The following TMEM117 variants were observed in gnomAD, a reference collection of about 807,000 sequenced individuals.
TMEM117 encodes the protein transmembrane protein 117.
TMEM117 carries 27 observed loss-of-function variants against 52.4 expected under a neutral mutation model. That is an observed-to-expected ratio of 0.51 (90% CI 0.38 to 0.71). TMEM117 has a LOEUF of 0.71. Among genes scored for constraint, TMEM117 ranks in the 30% least tolerant of loss-of-function variants. TMEM117 has a pLI of 0.00. For missense variants in TMEM117, 556 were observed against 630.5 expected (o/e 0.88, Z 1.26); for synonymous variants, 215 against 206.3 (o/e 1.04, Z -0.36).
At chr12:44,004,027 A>G (rs755026124) in intron 3 of TMEM117, among the ~76,000 whole-genome samples, 9 of 152,218 alleles carry the variant, frequency 5.9e-5, no homozygotes, top group Non-Finnish European at 1.3e-4. Context: ...TTGTACTCAA[A>G]TAATGGTGGA....
At chr12:44,225,393 T>C (rs1261778542) in intron 5 of TMEM117, among the ~76,000 whole-genome samples, 3 of 152,120 alleles carry the variant, frequency 2.0e-5, no homozygotes, top group Non-Finnish European at 2.9e-5. Flanking sequence ...ATTGCAAAAA[T>C]AGTGCAGTGA....
chr12:44,201,758 A>G (rs1440880360), intron 4 of TMEM117, among the ~76,000 whole-genome samples: 1 of 152,158 alleles, frequency 6.6e-6, no homozygotes, highest in Non-Finnish European at 1.5e-5. Context: ...AAAATAAGCA[A>G]TTTGGTTGTA....
At chr12:44,181,842 T>G (rs1245537435) in intron 4 of TMEM117, among the ~76,000 whole-genome samples, 2 of 151,544 alleles carry the variant, frequency 1.3e-5, no homozygotes, top group Non-Finnish European at 2.9e-5. Flanking sequence ...TGCGGGCTCT[T>G]TTTTGGTTCC....
chr12:44,115,416 C>T (rs867319467), intron 3 of TMEM117, among the ~76,000 whole-genome samples: 3 of 152,122 alleles, frequency 2.0e-5, no homozygotes, highest in Non-Finnish European at 4.4e-5. Flanking sequence ...ATGTACCAAA[C>T]CTGCACGTTA....
chr12:44,354,861 A>G lies in TMEM117; in HGVS notation c.769-21734A>G, dbSNP rs557139208. Among the ~76,000 whole-genome samples the G allele has an allele frequency of 6.8e-4, 103 of 152,144 alleles. 1 individual carries two copies. Among genetic ancestry groups the G allele is most frequent in the Non-Finnish European group, 1.1e-3 (72 of 67,986 alleles). ...CAAAGTGCTTTTAATTCGGAAAACA[A>G]TTTTTAGTAGTGTTAAACTATAAAG... On this transcript the variant is annotated intron_variant, in intron 6 of 7. Transcript: ENST00000266534.
At chr12:43,893,249 A>C (rs1479714140) in intron 2 of TMEM117, among the ~76,000 whole-genome samples, 1 of 152,242 alleles carries the variant, frequency 6.6e-6, no homozygotes, top group Non-Finnish European at 1.5e-5. Flanking sequence ...TGCTGTGTCA[A>C]AAACGAACTG....
intron 5 of TMEM117, among the ~76,000 whole-genome samples, chr12:44,288,204 G>A (rs1950660530): frequency 6.6e-6 from 1 of 152,176 alleles, no homozygotes; most frequent in Admixed American, 6.5e-5. Flanking sequence ...AAGACGCTGA[G>A]CATAATTTTG....
chr12:44,199,159 G>C (rs1033241333), intron 4 of TMEM117, among the ~76,000 whole-genome samples: 1 of 121,464 alleles, frequency 8.2e-6, no homozygotes, highest in African/African-American at 3.7e-5. Flanking sequence ...CTTTCTTCTT[G>C]GCCTGTGTAT....
chr12:43,914,391 G>A (rs7295151), intron 2 of TMEM117, among the ~76,000 whole-genome samples: 109,015 of 152,040 alleles, frequency 0.72, 42,193 homozygotes, highest in East Asian at 0.87. Flanking sequence ...ATCACATTTT[G>A]TTCTTCTTTA....
chr12:44,027,983 A>G (rs1946571299), intron 3 of TMEM117, among the ~76,000 whole-genome samples: 1 of 152,184 alleles, frequency 6.6e-6, no homozygotes, highest in South Asian at 2.1e-4. Flanking sequence ...AGGTGAGCGG[A>G]TCACGAGGTC....
At chr12:44,276,919 T>G (rs890933669) in intron 5 of TMEM117, among the ~76,000 whole-genome samples, 2 of 151,708 alleles carry the variant, frequency 1.3e-5, no homozygotes, top group African/African-American at 4.8e-5. Context: ...TGTGTGTGTG[T>G]GTGTGTGTGT....
intron 4 of TMEM117, among the ~76,000 whole-genome samples, chr12:44,190,872 G>C (rs1949342597): frequency 2.0e-5 from 3 of 148,210 alleles, no homozygotes; most frequent in Non-Finnish European, 4.5e-5. Flanking sequence ...TATAGAGAGA[G>C]ATACATACAT....
At chr12:44,243,736 C>A (rs1950093492) in intron 5 of TMEM117, among the ~76,000 whole-genome samples, 1 of 151,834 alleles carries the variant, frequency 6.6e-6, no homozygotes, top group South Asian at 2.1e-4. Context: ...TTCCTCCTAA[C>A]TGAAACTTTG....
At chr12:44,229,470 A>G (rs1949906021) in intron 5 of TMEM117, among the ~76,000 whole-genome samples, 1 of 152,090 alleles carries the variant, frequency 6.6e-6, no homozygotes, top group Non-Finnish European at 1.5e-5. Flanking sequence ...TAGCTGCCAG[A>G]GGGGAACATG....
the TMEM117 span, chr12:43,797,290 T>C: frequency 1.0e-5 from 16 of 1,568,152 alleles, no homozygotes; most frequent in Non-Finnish European, 1.4e-5. Context: ...TTAAAAACAA[T>C]GTATCATATA....
intron 6 of TMEM117, among the ~76,000 whole-genome samples, chr12:44,334,667 A>C (rs1951316518): frequency 6.6e-6 from 1 of 151,968 alleles, no homozygotes; most frequent in African/African-American, 2.4e-5. Context: ...AGGTTCCATT[A>C]AGAGAACCTT....
intron 3 of TMEM117, among the ~76,000 whole-genome samples, chr12:44,057,938 A>G (rs1042308731): frequency 6.6e-6 from 1 of 152,242 alleles, no homozygotes; most frequent in Non-Finnish European, 1.5e-5. Flanking sequence ...ATACCCGTAC[A>G]GGCTTCAATT....
chr12:43,881,470 A>T (rs1443029859), intron 2 of TMEM117, among the ~76,000 whole-genome samples: 1 of 152,226 alleles, frequency 6.6e-6, no homozygotes, highest in Non-Finnish European at 1.5e-5. Context: ...TAGGTAAAAT[A>T]GGAAATTAAA....
intron 5 of TMEM117, among the ~76,000 whole-genome samples, chr12:44,279,494 G>T (rs570385017): frequency 6.7e-6 from 1 of 150,372 alleles, no homozygotes; most frequent in Non-Finnish European, 1.5e-5. Flanking sequence ...ATCCAAGTTT[G>T]CAATTTTCTT....
Sources: allele counts gnomAD v4.1 joint callset (sites outside exome capture counted in the v4.1 genomes callset), GRCh38; gene constraint gnomAD v4.1.1; transcripts MANE v1.5; gene names NCBI Gene and HGNC (gene_info 2026-07-23, HGNC 2026-07-21).